The following DCLK1 variants were observed in gnomAD, a reference collection of about 807,000 sequenced individuals.
DCLK1 encodes the protein serine/threonine-protein kinase DCLK1.
In DCLK1, 16 loss-of-function variants were observed where a neutral mutation model predicts 86.2. The ratio of observed to expected loss-of-function variants is 0.19; its 90% CI spans 0.13 to 0.28. DCLK1 has a LOEUF of 0.28. Among genes scored for constraint, DCLK1 ranks in the 10% least tolerant of loss-of-function variants. The pLI is 1.00. For missense variants in DCLK1, 590 were observed against 940.2 expected (o/e 0.63, Z 4.87); for synonymous variants, 369 against 370.5 (o/e 1.00, Z 0.05).
intron 3 of DCLK1, among the ~76,000 whole-genome samples, chr13:36,013,543 G>T (rs1452455413): frequency 1.3e-5 from 2 of 152,106 alleles, no homozygotes; most frequent in African/African-American, 2.4e-5. Context: ...GCTGCTCGGG[G>T]GTCAGGGGTC....
rs115184779 is a variant in DCLK1, at chr13:36,077,236, T to A, written c.723+34633A>T. Among the ~76,000 whole-genome samples the A allele has an allele frequency of 5.0e-3, 755 of 152,304 alleles. 4 individuals carry two copies. The highest frequency in any genetic ancestry group is 0.017 in the African/African-American group (715 of 41,548). On this transcript the variant is annotated intron_variant, in intron 3 of 16. Coordinates refer to ENST00000360631, the MANE Select transcript of DCLK1 (RefSeq NM_001330071.2). ...ACCACTATTTTATCTCCTTTCTGTA[T>A]CCCATGCTCTGTATGCCAAAAATTA...
intron 4 of DCLK1, among the ~76,000 whole-genome samples, chr13:35,909,126 C>A (rs1874852369): frequency 6.6e-6 from 1 of 152,188 alleles, no homozygotes; most frequent in African/African-American, 2.4e-5. Context: ...CACCACACAA[C>A]ATGTATTTTC....
chr13:36,050,183 ATCATTAGAATCT>A (rs1368654212), intron 3 of DCLK1, among the ~76,000 whole-genome samples: 1 of 152,208 alleles, frequency 6.6e-6, no homozygotes, highest in Non-Finnish European at 1.5e-5. Flanking sequence ...AACTGCTATC[ATCATTAGAATCT>A]TTGGGCCTAT....
At chr13:35,825,129 G>C (rs114004252) in intron 10 of DCLK1, among the ~76,000 whole-genome samples, 68 of 152,280 alleles carry the variant, frequency 4.5e-4, no homozygotes, top group African/African-American at 1.6e-3. Flanking sequence ...ATCCACTGCC[G>C]TCCGGAACAT....
chr13:35,841,470 TTTTCTCTGC>T (rs1593650070), intron 6 of DCLK1, among the ~76,000 whole-genome samples: 1 of 151,988 alleles, frequency 6.6e-6, no homozygotes, highest in East Asian at 1.9e-4. Context: ...GCCAGCTGGG[TTTTCTCTGC>T]TTTCTGAACA....
intron 4 of DCLK1, among the ~76,000 whole-genome samples, chr13:35,941,721 TTTC>T (rs1238051830): frequency 2.0e-5 from 3 of 152,210 alleles, no homozygotes; most frequent in African/African-American, 7.2e-5. Flanking sequence ...CTTGTTTACA[TTTC>T]TTCTACAGTT....
At chr13:35,922,482 G>T (rs912424318) in intron 4 of DCLK1, among the ~76,000 whole-genome samples, 1 of 152,186 alleles carries the variant, frequency 6.6e-6, no homozygotes, top group African/African-American at 2.4e-5. Context: ...CGGACAGTCA[G>T]ACCCAGGTTC....
In DCLK1 at chr13:35,822,822, G is replaced by A. The variant is rs201558028; in HGVS notation, c.1461C>T (p.Asp487=). The change falls in exon 11 of 17, where the codon GAC becomes GAT. Residue 487 remains aspartate, a synonymous_variant. Coordinates refer to ENST00000360631, the MANE Select transcript of DCLK1 (RefSeq NM_001330071.2). ...CTAGGTTGTACAGCATCCCACTGGC[G>A]TCTCTCTCGGTGTATTTGTTAGTGG... The part of the protein sequence containing the change: ...ITSTNKYTER[D]ASGMLYNLAS... The A allele has an allele frequency of 3.3e-5, 53 of 1,613,816 alleles. No individual in the cohort carries two copies. The Middle Eastern group carries it at 8.2e-4, about 25-fold the overall frequency.
intron 3 of DCLK1, among the ~76,000 whole-genome samples, chr13:36,046,717 C>T (rs549417231): frequency 2.6e-5 from 4 of 152,188 alleles, no homozygotes; most frequent in East Asian, 1.9e-4. Flanking sequence ...TAGTAACTCT[C>T]GACTTAAAAT....
At chr13:35,974,195 C>G (rs1347119597) in intron 3 of DCLK1, among the ~76,000 whole-genome samples, 1 of 152,234 alleles carries the variant, frequency 6.6e-6, no homozygotes, top group African/African-American at 2.4e-5. Context: ...TTGAGCCCCC[C>G]TCAGATTCAT....
At chr13:35,996,716 T>TATAC (rs147217914) in intron 3 of DCLK1, among the ~76,000 whole-genome samples, 7 of 151,804 alleles carry the variant, frequency 4.6e-5, no homozygotes, top group Admixed American at 1.3e-4. Flanking sequence ...TATATATATA[T>TATAC]ACACACAACC....
In DCLK1 at chr13:36,092,688, G is replaced by A. The variant is rs996603042; in HGVS notation, c.723+19181C>T. Reference sequence around the variant, plus strand: ...TTTTTAGTAGAGACAGGGTTTCACCGTTTTAGCCGGGATGGTCTCGATCTC... The same window carrying A: ...TTTTTAGTAGAGACAGGGTTTCACCATTTTAGCCGGGATGGTCTCGATCTC... On this transcript the variant is annotated intron_variant, in intron 3 of 16. Transcript: ENST00000360631. 5.3e-5 allele frequency among the ~76,000 whole-genome samples: 8 copies of A among 151,690 alleles called. 1 individual carries two copies. In the Middle Eastern group the frequency reaches 0.01, roughly 195 times the overall value.
At chr13:35,973,040 C>A (rs1450492202) in intron 3 of DCLK1, among the ~76,000 whole-genome samples, 1 of 152,088 alleles carries the variant, frequency 6.6e-6, no homozygotes, top group African/African-American at 2.4e-5. Flanking sequence ...TTCTGGGGCC[C>A]ACAGCAGAGG....
intron 16 of DCLK1, among the ~76,000 whole-genome samples, chr13:35,775,164 G>T (rs2086402443): frequency 6.6e-6 from 1 of 152,164 alleles, no homozygotes; most frequent in Non-Finnish European, 1.5e-5. Context: ...TGGAAACGGA[G>T]CCACGGCTCA....
intron 3 of DCLK1, among the ~76,000 whole-genome samples, chr13:36,020,212 A>C (rs919644830): frequency 6.6e-6 from 1 of 152,132 alleles, no homozygotes; most frequent in Non-Finnish European, 1.5e-5. Flanking sequence ...TCTTTTCTCT[A>C]TAAGTTACCC....
At chr13:35,947,512 A>G in intron 3 of DCLK1, 55 bp from the exon 4 acceptor site, 2 of 1,425,392 alleles carry the variant, frequency 1.4e-6, no homozygotes, top group Non-Finnish European at 2.0e-6. Context: ...AATTACAACA[A>G]TGCAACCCCA....
At chr13:35,796,977 G>A (rs996307090) in intron 15 of DCLK1, among the ~76,000 whole-genome samples, 7 of 152,172 alleles carry the variant, frequency 4.6e-5, no homozygotes, top group African/African-American at 1.7e-4. Flanking sequence ...GGGACCCAGT[G>A]GAACACAGTT....
At chr13:36,030,353 G>C (rs1593832310) in intron 3 of DCLK1, among the ~76,000 whole-genome samples, 1 of 152,142 alleles carries the variant, frequency 6.6e-6, no homozygotes, top group East Asian at 1.9e-4. Context: ...CTGGAGTGCA[G>C]TGGCACGATC....
chr13:36,012,166 CT>C (rs1881303502), intron 3 of DCLK1, among the ~76,000 whole-genome samples: 1 of 139,402 alleles, frequency 7.2e-6, no homozygotes, highest in African/African-American at 2.8e-5. Context: ...ACTGATGGGT[CT>C]TGACTCTTTA....
Sources: gnomAD v4.1 joint callset for allele counts (sites outside exome capture counted in the v4.1 genomes callset) on GRCh38, gnomAD v4.1.1 for gene constraint, MANE v1.5 for transcripts, NCBI Gene and HGNC (gene_info 2026-07-23, HGNC 2026-07-21) for gene names.